Variants in PRKCE observed in about 807,000 individuals in gnomAD.
The protein encoded by PRKCE is protein kinase C epsilon.
Under a neutral mutation model 85.4 loss-of-function variants are expected in PRKCE, and 16 were observed. The ratio of observed to expected loss-of-function variants is 0.19; its 90% confidence interval spans 0.13 to 0.28. PRKCE has a LOEUF of 0.28. Among genes scored for constraint, PRKCE ranks in the 10% least tolerant of loss-of-function variants. The probability of loss-of-function intolerance (pLI) is 1.00; values close to 1 mark genes in which losing one functional copy is unlikely to be tolerated. For missense variants in PRKCE, 573 were observed against 975.2 expected, an observed-to-expected ratio of 0.59 and a Z score of 5.49; for synonymous variants, 388 against 371.5, an observed-to-expected ratio of 1.04 and a Z score of -0.51.
intron 1 of PRKCE, among the ~76,000 whole-genome samples, chr2:45,783,194 C>G (rs1020748734): frequency 1.3e-5 from 2 of 152,158 alleles, no homozygotes; most frequent in Non-Finnish European, 1.5e-5. Context: ...GGAATGACTT[C>G]CAGCTCCTTT....
At chr2:45,860,629 G>C (rs941879949) in intron 2 of PRKCE, among the ~76,000 whole-genome samples, 1 of 152,226 alleles carries the variant, frequency 6.6e-6, no homozygotes, top group Non-Finnish European at 1.5e-5. Context: ...GTGAGTGCTG[G>C]GGAGGGGGTG....
At chr2:46,172,235 C>T (rs893578468) in intron 14 of PRKCE, among the ~76,000 whole-genome samples, 2 of 152,162 alleles carry the variant, frequency 1.3e-5, no homozygotes, top group Admixed American at 6.5e-5. Context: ...GCCCTCTTTC[C>T]CCCCAGGCAC....
chr2:46,061,866 T>G (rs1195929868), intron 10 of PRKCE, among the ~76,000 whole-genome samples: 1 of 147,514 alleles, frequency 6.8e-6, no homozygotes, highest in South Asian at 2.1e-4. Flanking sequence ...TTTCTTTTTT[T>G]TTTTTTTTTT....
chr2:45,981,825 A>G (rs1702913464), intron 5 of PRKCE, among the ~76,000 whole-genome samples: 1 of 152,192 alleles, frequency 6.6e-6, no homozygotes, highest in Non-Finnish European at 1.5e-5. Context: ...TCCCTCCCTC[A>G]AGGATCTCAG....
intron 1 of PRKCE, among the ~76,000 whole-genome samples, chr2:45,660,610 T>C (rs554102807): frequency 1.1e-4 from 17 of 152,362 alleles, no homozygotes; most frequent in African/African-American, 2.9e-4. Context: ...CATAGAGCTA[T>C]TGAAGCATGT....
rs780483487 is a variant in PRKCE, at chr2:45,652,488, G to T, written c.348+40G>T. The T allele has an allele frequency of 9.8e-6, 15 of 1,531,020 alleles. No individual in the cohort carries two copies. Among genetic ancestry groups the T allele is most frequent in the African/African-American group, 1.4e-5 (1 of 73,438 alleles). 94.8% of individuals were successfully genotyped at this position (1,531,020 alleles called of 1,614,324 possible). A position where few individuals can be genotyped will look rare whatever the true frequency, so the allele number is the denominator to read the frequency against. On this transcript the variant is annotated intron_variant, in intron 1 of 14. Transcript: ENST00000306156. This position sits in a 1 kb window ranked among gnomAD's most constrained non-coding sequence, Gnocchi z 7.7. ...TCCCCGTCATTCCGGGAACCCGGTT[G>T]TGGGGTCCCGGGGAAAGACTCGCTG... is the stretch of plus-strand genomic sequence containing the variant.
At chr2:46,160,735 T>G (rs1677673608) in intron 14 of PRKCE, among the ~76,000 whole-genome samples, 2 of 152,180 alleles carry the variant, frequency 1.3e-5, no homozygotes. Context: ...CTTCTCCAAG[T>G]GCAGAAAAGA....
chr2:46,172,487 G>A (rs963953549), intron 14 of PRKCE, among the ~76,000 whole-genome samples: 8 of 142,032 alleles, frequency 5.6e-5, no homozygotes, highest in South Asian at 4.3e-4. Flanking sequence ...AGGCCTGGGC[G>A]GGCCTGGGCG....
rs144288304 is a variant in PRKCE, at chr2:45,810,860, T to A, written c.349-32140T>A. 1.2e-4 allele frequency among the ~76,000 whole-genome samples: 18 copies of A among 152,364 alleles called. No homozygotes were observed. In the East Asian group the frequency reaches 3.5e-3, roughly 29 times the overall value. On this transcript the variant is annotated intron_variant, in intron 1 of 14. Coordinates refer to ENST00000306156, the MANE Select transcript of PRKCE (RefSeq NM_005400.3). ...CAGTATTTGTTCACTCACAGAATGA[T>A]AAAATGGCTCCAAGACAATGAAAGT... is the stretch of plus-strand genomic sequence containing the variant.
At chr2:45,712,451 C>G (rs546421938) in intron 1 of PRKCE, among the ~76,000 whole-genome samples, 2 of 152,128 alleles carry the variant, frequency 1.3e-5, no homozygotes, top group Non-Finnish European at 2.9e-5. Context: ...TCACTGCGCC[C>G]GGCCTGTCCT....
intron 14 of PRKCE, among the ~76,000 whole-genome samples, chr2:46,163,070 C>G (rs947142176): frequency 6.6e-6 from 1 of 152,254 alleles, no homozygotes; most frequent in Non-Finnish European, 1.5e-5. Flanking sequence ...CATACGCCAT[C>G]GCGCCCCTGT....
intron 10 of PRKCE, among the ~76,000 whole-genome samples, chr2:46,047,613 G>T (rs575406158): frequency 2.7e-4 from 41 of 152,318 alleles, no homozygotes; most frequent in African/African-American, 8.9e-4. Flanking sequence ...TGTTTGAAAA[G>T]CTGCATTTCA....
chr2:45,798,818 T>C (rs1687635921), intron 1 of PRKCE, among the ~76,000 whole-genome samples: 1 of 151,962 alleles, frequency 6.6e-6, no homozygotes. Context: ...AAAACTATAT[T>C]TTATATTGTA....
At chr2:45,948,340 AT>A (rs1700379521) in intron 2 of PRKCE, among the ~76,000 whole-genome samples, 1 of 152,226 alleles carries the variant, frequency 6.6e-6, no homozygotes, top group Non-Finnish European at 1.5e-5. Flanking sequence ...GTTAGCAAAT[AT>A]AAAAATTTTG....
At chr2:45,986,874 A>C (rs1703370795) in intron 6 of PRKCE, among the ~76,000 whole-genome samples, 1 of 152,078 alleles carries the variant, frequency 6.6e-6, no homozygotes, top group Non-Finnish European at 1.5e-5. Context: ...GCCTGCCTGG[A>C]ATCCTGTAGG....
At chr2:45,828,742 A>T (rs1369077933) in intron 1 of PRKCE, among the ~76,000 whole-genome samples, 1 of 152,264 alleles carries the variant, frequency 6.6e-6, no homozygotes, top group Non-Finnish European at 1.5e-5. Context: ...AGAGGAGTGA[A>T]CTACATAATG....
intron 2 of PRKCE, among the ~76,000 whole-genome samples, chr2:45,869,528 C>T (rs889111801): frequency 3.9e-5 from 6 of 152,114 alleles, no homozygotes; most frequent in African/African-American, 1.4e-4. Context: ...CCTGTTTTTT[C>T]CCCTCATAGC....
intron 11 of PRKCE, among the ~76,000 whole-genome samples, chr2:46,097,998 T>C (rs1370071025): frequency 1.3e-5 from 2 of 152,276 alleles, no homozygotes; most frequent in African/African-American, 4.8e-5. Context: ...AGCTTAGAAG[T>C]AGAATTCTGA....
chr2:45,759,427 C>A (rs942072554), intron 1 of PRKCE, among the ~76,000 whole-genome samples: 2 of 152,202 alleles, frequency 1.3e-5, no homozygotes, highest in Non-Finnish European at 2.9e-5. Context: ...GGCTGGAGAA[C>A]GAGCTCGGCC....
Sources: gnomAD v4.1 joint callset for allele counts (sites outside exome capture counted in the v4.1 genomes callset) on GRCh38, gnomAD v4.1.1 for gene constraint, Gnocchi (gnomAD v3.1) non-coding constraint, MANE v1.5 for transcripts, NCBI Gene and HGNC (gene_info 2026-07-23, HGNC 2026-07-21) for gene names.